PC: variants seen among roughly 807,000 people sequenced by gnomAD.
The protein encoded by PC is pyruvate carboxylase, mitochondrial.
Under a neutral mutation model 107.8 loss-of-function variants are expected in PC, and 46 were observed. The ratio of observed to expected loss-of-function variants is 0.43; its 90% confidence interval spans 0.34 to 0.55. The LOEUF (loss-of-function observed/expected upper bound fraction) is 0.55. Among genes scored for constraint, PC ranks in the 20% least tolerant of loss-of-function variants. PC has a pLI of 0.04. For missense variants in PC, 1,241 were observed against 1,643.1 expected, an observed-to-expected ratio of 0.76 and a Z score of 4.23; for synonymous variants, 662 against 684.7, an observed-to-expected ratio of 0.97 and a Z score of 0.52.
intron 3 of PC, among the ~76,000 whole-genome samples, chr11:66,943,782 A>G (rs1407164679): frequency 1.4e-5 from 2 of 147,114 alleles, no homozygotes; most frequent in Admixed American, 6.8e-5. Flanking sequence ...AAAAAAAAAA[A>G]AAAGAAATTT....
intron 3 of PC, among the ~76,000 whole-genome samples, chr11:66,917,376 C>G (rs763529364): frequency 1.3e-5 from 2 of 152,110 alleles, no homozygotes; most frequent in Non-Finnish European, 2.9e-5. Context: ...ACCTGGTCCC[C>G]ACTTAGAAAT....
intron 3 of PC, among the ~76,000 whole-genome samples, chr11:66,943,755 C>CAAAAAAAAAAAAAAAAAA (rs34245785): frequency 5.7e-5 from 1 of 17,580 alleles, no homozygotes; most frequent in Non-Finnish European, 9.5e-5. Context: ...GACTCCGGCT[C>CAAAAAAAAAAAAAAAAAA]AAAAAAAAAA....
chr11:66,873,931 C>T (rs1223769124), intron 3 of PC, among the ~76,000 whole-genome samples: 1 of 151,602 alleles, frequency 6.6e-6, no homozygotes, highest in Non-Finnish European at 1.5e-5. Flanking sequence ...CCATGCCTGG[C>T]TAATTTTGTT....
intron 3 of PC, among the ~76,000 whole-genome samples, chr11:66,875,853 G>A (rs554275969): frequency 2.0e-5 from 3 of 152,198 alleles, no homozygotes; most frequent in South Asian, 2.1e-4. Flanking sequence ...CGGACACCAC[G>A]CTGACCGAGA....
At chr11:66,873,471 A>AATATTATATATATT (rs1946838450) in intron 3 of PC, among the ~76,000 whole-genome samples, 1 of 76,708 alleles carries the variant, frequency 1.3e-5, no homozygotes, top group Non-Finnish European at 2.5e-5. Flanking sequence ...TATTATATAT[A>AATATTATATATATT]ATATAATATA....
intron 3 of PC, among the ~76,000 whole-genome samples, chr11:66,948,249 C>T (rs1480205307): frequency 2.0e-5 from 3 of 149,584 alleles, no homozygotes. Context: ...ATACAAGCAA[C>T]AACATGGACA....
rs1335543744 is a variant in PC at position 66,954,902 on chromosome 11, C to CA, written c.-227-467dup. ...AGGCTGCAGTGAGCCAAGATGGTGCCACTGTACTGCAGCCTGGGCAACAAA... is the reference window on the plus strand; with the variant it reads ...AGGCTGCAGTGAGCCAAGATGGTGCCAACTGTACTGCAGCCTGGGCAACAAA... On this transcript the variant is annotated intron_variant, in intron 1 of 22. Transcript: ENST00000393960. Among the ~76,000 whole-genome samples the CA allele has an allele frequency of 2.6e-5, 4 of 151,702 alleles. No individual in the cohort carries two copies. The South Asian group carries it at 6.3e-4, about 24-fold the overall frequency.
intron 3 of PC, among the ~76,000 whole-genome samples, chr11:66,908,805 C>T (rs1948246813): frequency 2.0e-5 from 3 of 152,234 alleles, no homozygotes; most frequent in South Asian, 4.1e-4. Flanking sequence ...GTCTGAACAC[C>T]CCGATGTCCC....
intron 3 of PC, among the ~76,000 whole-genome samples, chr11:66,923,277 G>T (rs928801392): frequency 6.6e-6 from 1 of 151,402 alleles, no homozygotes; most frequent in Non-Finnish European, 1.5e-5. Flanking sequence ...CAGGAGAATC[G>T]CTTGAACCTG....
At position 66,858,782 on chromosome 11, in the gene PC, T is replaced by C. The variant is rs1164388379; in HGVS notation, c.1368+4992A>G. ...TTGGGGTGACCGGCGCTGGGGACGC[T>C]GGGGGCTACACCTGCATCGCCACCA... On this transcript the variant is annotated intron_variant, in intron 12 of 22. Transcript: ENST00000393960. This position sits in a 1 kb window ranked among gnomAD's most constrained non-coding sequence, Gnocchi z 5.9. 9.0e-6 allele frequency: 14 copies of C among 1,550,108 alleles called. No individual in the cohort carries two copies. Among genetic ancestry groups the C allele is most frequent in the Non-Finnish European group, 1.1e-5 (13 of 1,147,520 alleles).
intron 1 of PC, among the ~76,000 whole-genome samples, 155 bp downstream of exon 1, chr11:66,958,167 C>A (rs1035954335): frequency 1.3e-5 from 2 of 151,878 alleles, no homozygotes; most frequent in African/African-American, 2.4e-5. Flanking sequence ...CGCGCACAGC[C>A]CGTCGCTGTC....
In PC at chr11:66,872,075, C is replaced by T. The variant is rs45471099; in HGVS notation, c.85G>A (p.Val29Ile). 1,089 of 1,567,408 alleles carry T rather than the reference C, an allele frequency of 6.9e-4. 9 individuals are homozygous for T. In the African/African-American group the frequency reaches 0.013, roughly 18 times the overall value. ...ATGGGCTTATACTCCAGGCGCCGGA[C>T]ATTTGGGGAGGCAGCGGGGGCGGTG... Reference protein sequence around the residue: ...TSTAPAASPNVRRLEYKPIKK... With the variant: ...TSTAPAASPNIRRLEYKPIKK... Residue 29 changes from valine to isoleucine, a missense_variant, in exon 4 of 23, where the codon GTC (valine) becomes ATC (isoleucine). Coordinates refer to ENST00000393960, the MANE Select transcript of PC (RefSeq NM_001040716.2).
At chr11:66,882,835 GA>G (rs1466246525) in intron 3 of PC, among the ~76,000 whole-genome samples, 7 of 151,460 alleles carry the variant, frequency 4.6e-5, no homozygotes, top group Non-Finnish European at 1.0e-4. Flanking sequence ...AGGGACAGAT[GA>G]AAGAACGACT....
chr11:66,919,071 C>A (rs554744710), intron 3 of PC, among the ~76,000 whole-genome samples: 1 of 152,258 alleles, frequency 6.6e-6, no homozygotes, highest in East Asian at 1.9e-4. Flanking sequence ...CTCAAGCTGT[C>A]TAGGTTAGCC....
chr11:66,854,713 C>T (rs1266049284), intron 12 of PC, among the ~76,000 whole-genome samples: 1 of 152,132 alleles, frequency 6.6e-6, no homozygotes, highest in Non-Finnish European at 1.5e-5. Flanking sequence ...TCAAGGCCAC[C>T]CAGACTCCTC....
At chr11:66,946,803 G>A (rs1416741417) in intron 3 of PC, among the ~76,000 whole-genome samples, 1 of 152,032 alleles carries the variant, frequency 6.6e-6, no homozygotes, top group Non-Finnish European at 1.5e-5. Flanking sequence ...CAAAAAACAT[G>A]TAACTGAGTA....
chr11:66,869,106 G>A, intron 9 of PC, 142 bp from the exon 10 acceptor site: 2 of 665,840 alleles, frequency 3.0e-6, no homozygotes, highest in Non-Finnish European at 5.4e-6. Context: ...CCCACAGATG[G>A]CAGACAGACC....
In PC at chr11:66,848,529, G is replaced by A; in HGVS notation, c.*370C>T. The A allele has an allele frequency of 1.7e-6, 1 of 591,402 alleles. No individual in the cohort carries two copies. 36.6% of individuals were successfully genotyped at this position (591,402 alleles called of 1,614,324 possible). ...TGCACAGGATCCAGCATGGAGGGCA[G>A]GGGAAAGCCAGCTTTATTGAGTAAA... On this transcript the variant is annotated 3_prime_UTR_variant, in exon 23 of 23. Transcript: ENST00000393960.
At chr11:66,921,365 G>T (rs1339532415) in intron 3 of PC, among the ~76,000 whole-genome samples, 1 of 152,170 alleles carries the variant, frequency 6.6e-6, no homozygotes, top group African/African-American at 2.4e-5. Context: ...GGATAATTTT[G>T]TAAAACAGAT....
Sources: allele counts gnomAD v4.1 joint callset (sites outside exome capture counted in the v4.1 genomes callset), GRCh38; gene constraint gnomAD v4.1.1; non-coding constraint Gnocchi (gnomAD v3.1); transcripts MANE v1.5; gene names NCBI Gene and HGNC (gene_info 2026-07-23, HGNC 2026-07-21).